Variants in APOLD1 observed in about 807,000 individuals in gnomAD.
APOLD1 encodes apolipoprotein L domain-containing protein 1.
In APOLD1, 22 loss-of-function variants were observed where a neutral mutation model predicts 15.3. The ratio of observed to expected loss-of-function variants is 1.44; its 90% CI spans 1.03 to 2.05. The LOEUF (loss-of-function observed/expected upper bound fraction) is 2.05, where lower values mean the gene tolerates loss of function less well. Ranked by LOEUF, APOLD1 falls within the 30% of genes most tolerant of loss-of-function variation. The probability of loss-of-function intolerance (pLI) is 0.00; values close to 1 mark genes in which losing one functional copy is unlikely to be tolerated. For synonymous variants in APOLD1, 190 were observed against 167.4 expected (o/e 1.13, Z -1.04); for missense variants, 394 against 353.5 (o/e 1.11, Z -0.92).
At chr12:12,733,474 C>A (rs1592288459) in intron 1 of APOLD1, among the ~76,000 whole-genome samples, 1 of 152,178 alleles carries the variant, frequency 6.6e-6, no homozygotes, top group Non-Finnish European at 1.5e-5. Context: ...AGGTTACCCA[C>A]CACATTAACA....
At position 12,734,236 on chromosome 12, in the gene APOLD1, A is replaced by G. The variant is rs1194915232; in HGVS notation, c.96+8140A>G. 2.0e-5 allele frequency among the ~76,000 whole-genome samples: 3 copies of G among 152,350 alleles called. No individual in the cohort carries two copies. The East Asian group carries it at 5.8e-4, about 29-fold the overall frequency. On this transcript the variant is annotated intron_variant, in intron 1 of 1. Transcript: ENST00000326765. Reference sequence around the variant, plus strand: ...TGCCATATGGGATTTTACTGGTAACATGATCCCAAAACTCACATTCCTTGA... The same window carrying G: ...TGCCATATGGGATTTTACTGGTAACGTGATCCCAAAACTCACATTCCTTGA...
intron 1 of APOLD1, 41 bp from the exon 2 acceptor site, chr12:12,786,868 C>G: frequency 1.4e-6 from 2 of 1,379,654 alleles, no homozygotes; most frequent in Non-Finnish European, 1.9e-6. Flanking sequence ...CGGCGGCTGG[C>G]ACGGAGACTC....
chr12:12,745,386 TG>T (rs1274219435), intron 1 of APOLD1, among the ~76,000 whole-genome samples: 1 of 151,994 alleles, frequency 6.6e-6, no homozygotes, highest in African/African-American at 2.4e-5. Context: ...AAAAACTAGC[TG>T]GGCCTGGTGG....
chr12:12,769,616 A>G (rs902938612), intron 1 of APOLD1, among the ~76,000 whole-genome samples: 4 of 152,216 alleles, frequency 2.6e-5, no homozygotes, highest in Non-Finnish European at 4.4e-5. Context: ...AAAAGGAACC[A>G]TCTTGAAATG....
chr12:12,769,683 T>C (rs994419597), intron 1 of APOLD1, among the ~76,000 whole-genome samples: 12 of 152,212 alleles, frequency 7.9e-5, no homozygotes, highest in Admixed American at 7.2e-4. Flanking sequence ...ATTACTTAAC[T>C]GGAGCCTAAC....
chr12:12,762,151 G>A (rs904346679), intron 1 of APOLD1, among the ~76,000 whole-genome samples: 6 of 151,962 alleles, frequency 3.9e-5, no homozygotes, highest in African/African-American at 1.5e-4. Flanking sequence ...GACTAGCAAT[G>A]GTGGAAAGTG....
chr12:12,753,028 C>T (rs7980246), intron 1 of APOLD1, among the ~76,000 whole-genome samples: 11,408 of 152,176 alleles, frequency 0.075, 570 homozygotes, highest in East Asian at 0.2. Context: ...GGGGTGCACT[C>T]ACGTTGGAAC....
At chr12:12,728,580 A>G (rs1032814317) in intron 1 of APOLD1, among the ~76,000 whole-genome samples, 2 of 139,056 alleles carry the variant, frequency 1.4e-5, no homozygotes, top group African/African-American at 5.4e-5. Context: ...AGGTGGGAGG[A>G]TTGCTTGAGC....
At chr12:12,725,965 TCG>T in exon 1 of APOLD1, 1 of 1,440,402 alleles carries the variant, frequency 6.9e-7, no homozygotes, top group Non-Finnish European at 9.2e-7. Flanking sequence ...ATCTGCAGCT[TCG>T]CGGGGACAGA....
intron 1 of APOLD1, among the ~76,000 whole-genome samples, chr12:12,775,455 A>G (rs1383822815): frequency 6.6e-6 from 1 of 152,208 alleles, no homozygotes; most frequent in African/African-American, 2.4e-5. Context: ...CTTTGGGCCA[A>G]TGTAGGTTCA....
chr12:12,761,456 A>T (rs1946897705), intron 1 of APOLD1, among the ~76,000 whole-genome samples: 2 of 152,138 alleles, frequency 1.3e-5, no homozygotes, highest in African/African-American at 4.8e-5. Context: ...AAATTGTTTA[A>T]TCTCTACTCA....
chr12:12,752,076 GAGCTATTGAGAAT>G (rs1375130543), intron 1 of APOLD1, among the ~76,000 whole-genome samples: 1 of 152,170 alleles, frequency 6.6e-6, no homozygotes, highest in Non-Finnish European at 1.5e-5. Context: ...CTGACCTCAA[GAGCTATTGAGAAT>G]AAATTTGTTT....
chr12:12,731,600 A>G (rs982836320), intron 1 of APOLD1, among the ~76,000 whole-genome samples: 4 of 152,260 alleles, frequency 2.6e-5, no homozygotes, highest in Admixed American at 6.5e-5. Flanking sequence ...ACAAACCAGT[A>G]GAAAAATAAG....
intron 1 of APOLD1, among the ~76,000 whole-genome samples, chr12:12,737,820 G>T (rs115563264): frequency 6.6e-6 from 1 of 152,126 alleles, no homozygotes; most frequent in African/African-American, 2.4e-5. Context: ...TGGGAATGTG[G>T]CTGCACGATA....
rs1947019933 is a variant in APOLD1 at position 12,774,850 on chromosome 12, G to T, written c.97-12059G>T. On this transcript the variant is annotated intron_variant, in intron 1 of 1. Coordinates refer to the APOLD1 transcript ENST00000326765. ...GCAGAAACTCTCCTTCATTTCTGGTGGGAATTTGAAATGGTATGATGAGTT... is the reference window on the plus strand; with the variant it reads ...GCAGAAACTCTCCTTCATTTCTGGTTGGAATTTGAAATGGTATGATGAGTT... Among the ~76,000 whole-genome samples the T allele has an allele frequency of 2.0e-5, 3 of 152,272 alleles. No homozygotes were observed. The South Asian group carries it at 6.2e-4, about 32-fold the overall frequency.
At chr12:12,744,910 TTTCCC>T (rs1166980258) in intron 1 of APOLD1, among the ~76,000 whole-genome samples, 5 of 152,220 alleles carry the variant, frequency 3.3e-5, no homozygotes, top group Non-Finnish European at 7.3e-5. Context: ...CACGATCTGC[TTTCCC>T]TTCACCAAAT....
At chr12:12,776,440 A>G (rs757801968) in intron 1 of APOLD1, among the ~76,000 whole-genome samples, 110 of 152,352 alleles carry the variant, frequency 7.2e-4, no homozygotes, top group Admixed American at 2.5e-3. Context: ...CTTTATGGCT[A>G]CTGGAGGGAT....
chr12:12,739,615 A>G (rs1308406356), intron 1 of APOLD1, among the ~76,000 whole-genome samples: 3 of 152,198 alleles, frequency 2.0e-5, no homozygotes, highest in Non-Finnish European at 2.9e-5. Context: ...ATTAACTTTA[A>G]TGTTCATATA....
intron 1 of APOLD1, among the ~76,000 whole-genome samples, chr12:12,761,273 G>C (rs1049421029): frequency 6.6e-6 from 1 of 152,136 alleles, no homozygotes; most frequent in Non-Finnish European, 1.5e-5. Context: ...ATAGCTGTAG[G>C]ATTCAGAAAC....
Sources: allele counts gnomAD v4.1 joint callset (sites outside exome capture counted in the v4.1 genomes callset), GRCh38; gene constraint gnomAD v4.1.1; transcripts MANE v1.5; gene names NCBI Gene and HGNC (gene_info 2026-07-23, HGNC 2026-07-21).